Variants in IQCN observed in about 807,000 individuals in gnomAD.
The protein encoded by IQCN is IQ motif containing N, also known as IQ domain-containing protein N.
IQCN carries 46 observed loss-of-function variants against 64.4 expected under a neutral mutation model. The observed-to-expected ratio is 0.71, with a 90% CI of 0.56 to 0.91. The LOEUF (loss-of-function observed/expected upper bound fraction) is 0.91. Among genes scored for constraint, IQCN ranks in the 40% least tolerant of loss-of-function variants. IQCN has a pLI of 0.00. For synonymous variants in IQCN, 733 were observed against 775.6 expected, an observed-to-expected ratio of 0.95 and a Z score of 0.91; for missense variants, 1,753 against 1,857.4, an observed-to-expected ratio of 0.94 and a Z score of 1.03.
chr19:18,264,808 A>G lies in IQCN; in HGVS notation c.2732T>C (p.Leu911Pro), dbSNP rs1397281304. 1 of 1,555,494 alleles carries G rather than the reference A, an allele frequency of 6.4e-7. No homozygotes were observed. The highest frequency in any genetic ancestry group is 8.7e-7 in the Non-Finnish European group (1 of 1,149,258). The change falls in exon 3 of 4, where the codon CTG becomes CCG. Residue 911 changes from leucine (L) to proline (P), a missense_variant. Transcript: ENST00000392413. The surrounding 1 kb of genome is among the most constrained non-coding windows in gnomAD (Gnocchi z 4.3). ...ALSQGEVWAA[L>P]NQALSKEVLG... ...GACCTCCTTGGACAGGGCCTGGTTC[A>G]GAGCTGCCCAGACTTCTCCCTGGGA... is the stretch of plus-strand genomic sequence containing the variant.
rs555972167 is a variant in IQCN, at chr19:18,264,309, G to A, written c.3177+54C>T. Reference sequence around the variant, plus strand: ...AATCCCCCATCTCCTCCAAGGGCCCGGCAGGTTGGCCCATGGTGAAACAAC... The same window carrying A: ...AATCCCCCATCTCCTCCAAGGGCCCAGCAGGTTGGCCCATGGTGAAACAAC... On this transcript the variant is annotated intron_variant, in intron 3 of 3. Coordinates refer to ENST00000392413, the MANE Select transcript of IQCN (RefSeq NM_001145304.2). The surrounding 1 kb of genome is among the most constrained non-coding windows in gnomAD (Gnocchi z 4.3). 78 of 1,392,056 alleles carry A rather than the reference G, an allele frequency of 5.6e-5. No homozygotes were observed. Among genetic ancestry groups the A allele is most frequent in the East Asian group, 2.5e-4 (10 of 39,710 alleles). 86.2% of individuals were successfully genotyped at this position (1,392,056 alleles called of 1,614,324 possible). A position where few individuals can be genotyped will look rare whatever the true frequency, so the allele number is the denominator to read the frequency against.
At position 18,264,776 on chromosome 19, in the gene IQCN, C is replaced by T. The variant is rs745305626; in HGVS notation, c.2764G>A (p.Ala922Thr). ...TGGGGCAGGGCTTTGGTGACAGTGG[C>T]ACCCAGGACCTCCTTGGACAGGGCC... ...NQALSKEVLG[A>T]TVTKALPQSM... is the part of the protein sequence containing the mutation. The change falls in exon 3 of 4, where the codon GCC (alanine) becomes ACC (threonine). Residue 922 changes from alanine (A) to threonine (T), a missense_variant. Ala to Thr is a moderately conservative substitution (Grantham distance 58). Transcript: ENST00000392413. This position sits in a 1 kb window ranked among gnomAD's most constrained non-coding sequence, Gnocchi z 4.3. The T allele has an allele frequency of 4.5e-6, 7 of 1,551,408 alleles. No homozygotes were observed. The South Asian group carries it at 8.3e-5, about 18-fold the overall frequency.
At position 18,267,408 on chromosome 19, in the gene IQCN, C is replaced by G. The variant is rs773541149; in HGVS notation, c.132G>C (p.Leu44=). 4 of 1,592,958 alleles carry G rather than the reference C, an allele frequency of 2.5e-6. No individual in the cohort carries two copies. The highest frequency in any genetic ancestry group is 1.7e-5 in the Admixed American group (1 of 57,462). Residue 44 remains leucine, a synonymous_variant, in exon 3 of 4, where the codon CTG becomes CTC. Coordinates refer to ENST00000392413, the MANE Select transcript of IQCN (RefSeq NM_001145304.2). The part of the protein sequence containing the change: ...HPPAPAHPSL[L]DKMEKAPPQP... ...GTGGAGGCGCTTTCTCCATTTTGTC[C>G]AGGAGACTGGGGTGAGCGGGGGCTG...
Position 18,258,271 on chromosome 19 carries a change from G to A in IQCN, c.3178-165C>T, listed in dbSNP as rs375309041. The A allele has an allele frequency of 2.9e-4, 226 of 769,222 alleles. 1 individual carries two copies. The African/African-American group carries it at 3.3e-3, about 11-fold the overall frequency. The allele number at this position is 769,222 out of a possible 1,614,324, so 47.6% of individuals were successfully genotyped here. A position where few individuals can be genotyped will look rare whatever the true frequency, so the allele number is the denominator to read the frequency against. Reference sequence around the variant, plus strand: ...GACACCCTCCGAACTCCCGGGGCCAGCGGAGGAATGACCGAGGAGTGTGTC... The same window carrying A: ...GACACCCTCCGAACTCCCGGGGCCAACGGAGGAATGACCGAGGAGTGTGTC... On this transcript the variant is annotated intron_variant, in intron 3 of 3. Transcript: ENST00000392413.
chr19:18,264,778 C>G lies in IQCN; in HGVS notation c.2762G>C (p.Gly921Ala). ...GGGCAGGGCTTTGGTGACAGTGGCA[C>G]CCAGGACCTCCTTGGACAGGGCCTG... ...LNQALSKEVLGATVTKALPQS... is the reference protein window; with the variant it reads ...LNQALSKEVLAATVTKALPQS... Residue 921 changes from glycine to alanine, a missense_variant, in exon 3 of 4, where the codon GGT (glycine) becomes GCT (alanine). Coordinates refer to ENST00000392413, the MANE Select transcript of IQCN (RefSeq NM_001145304.2). The surrounding 1 kb of genome is among the most constrained non-coding windows in gnomAD (Gnocchi z 4.3). 1 of 1,551,446 alleles carries G rather than the reference C, an allele frequency of 6.4e-7. No homozygotes were observed. Among genetic ancestry groups the G allele is most frequent in the East Asian group, 2.4e-5 (1 of 40,928 alleles).
Position 18,269,547 on chromosome 19 carries a change from C to T in IQCN, c.-69G>A. 4 of 1,563,240 alleles carry T rather than the reference C, an allele frequency of 2.6e-6. No homozygotes were observed. The highest frequency in any genetic ancestry group is 3.5e-6 in the Non-Finnish European group (4 of 1,135,380). On this transcript the variant is annotated 5_prime_UTR_variant, in exon 2 of 4. An upstream open reading frame in the 5' UTR loses its in-frame stop. Transcript: ENST00000392413. ...CCAGCCTGCAAGAGGAGGCAGCCTT[C>T]AGCCTTTCATCCATGCAATATGCAG...
chr19:18,265,828 G>T lies in IQCN; in HGVS notation c.1712C>A (p.Ser571Tyr). The T allele has an allele frequency of 6.2e-7, 1 of 1,614,202 alleles. No homozygotes were observed. Among genetic ancestry groups the T allele is most frequent in the Non-Finnish European group, 8.5e-7 (1 of 1,180,034 alleles). The change falls in exon 3 of 4, where the codon TCC becomes TAC. Residue 571 changes from serine (S) to tyrosine (Y), a missense_variant. Ser to Tyr is a moderately radical substitution (Grantham distance 144). Coordinates refer to ENST00000392413, the MANE Select transcript of IQCN (RefSeq NM_001145304.2). This position sits in a 1 kb window ranked among gnomAD's most constrained non-coding sequence, Gnocchi z 4.7. ...KQAAKVVKAS[S>Y]PSYLAEGKIR... The stretch of plus-strand genomic sequence containing the variant: ...CTTCCCCTCAGCCAAATAGGAGGGG[G>T]ATGAGGCTTTCACCACCTTTGCAGC...
In IQCN at chr19:18,257,470, C is replaced by T; in HGVS notation, c.3814G>A (p.Gly1272Ser). 1 of 1,607,810 alleles carries T rather than the reference C, an allele frequency of 6.2e-7. No homozygotes were observed. Among genetic ancestry groups the T allele is most frequent in the Non-Finnish European group, 8.5e-7 (1 of 1,177,478 alleles). Residue 1272 changes from glycine (G) to serine (S), a missense_variant, in exon 4 of 4, where the codon GGC becomes AGC. Physicochemically the swap from Gly to Ser is moderately conservative, Grantham distance 56 (BLOSUM62 0). Coordinates refer to ENST00000392413, the MANE Select transcript of IQCN (RefSeq NM_001145304.2). ...TQPTRVVQGM[G>S]QGTEGPGAVS... is the part of the protein sequence containing the mutation. ...GCCCCGGGGCCCTCAGTGCCCTGGC[C>T]CATGCCCTGCACCACACGGGTGGGC...
chr19:18,266,514 T>G lies in IQCN; in HGVS notation c.1026A>C (p.Thr342=), dbSNP rs774326592. 1.3e-5 allele frequency: 21 copies of G among 1,607,790 alleles called. No individual in the cohort carries two copies. Among genetic ancestry groups the G allele is most frequent in the Non-Finnish European group, 1.6e-5 (19 of 1,176,302 alleles). ...GPMITKTLLQ[T]YPVVSVTLPQ... is the part of the protein sequence containing the mutation. ...GCAGGGTCACGGAGACCACTGGATA[T>G]GTCTGGAGTAGAGTCTTGGTGATCA... Residue 342 remains threonine, a synonymous_variant, in exon 3 of 4, where the codon ACA becomes ACC. Coordinates refer to ENST00000392413, the MANE Select transcript of IQCN (RefSeq NM_001145304.2). This position sits in a 1 kb window ranked among gnomAD's most constrained non-coding sequence, Gnocchi z 4.3.
chr19:18,268,507 G>A (rs932568692), intron 2 of IQCN, among the ~76,000 whole-genome samples: 1 of 152,008 alleles, frequency 6.6e-6, no homozygotes, highest in Admixed American at 6.6e-5. Flanking sequence ...TGGATGAATA[G>A]GTAAATAAAG....
intron 2 of IQCN, among the ~76,000 whole-genome samples, chr19:18,268,732 G>A (rs1969663846): frequency 1.3e-5 from 2 of 151,950 alleles, no homozygotes; most frequent in Non-Finnish European, 2.9e-5. Flanking sequence ...GGGAGGCCGA[G>A]GTGAGCGGAT....
Position 18,264,258 on chromosome 19 carries a change from G to A in IQCN, c.3177+105C>T. On this transcript the variant is annotated intron_variant, in intron 3 of 3. Coordinates refer to ENST00000392413, the MANE Select transcript of IQCN (RefSeq NM_001145304.2). This position sits in a 1 kb window ranked among gnomAD's most constrained non-coding sequence, Gnocchi z 4.3. The stretch of plus-strand genomic sequence containing the variant: ...TCCCACAGTGACCACAGATAAGCAG[G>A]GTGACCCCCACAAGATGGCCCCATC... 15 of 992,970 alleles carry A rather than the reference G, an allele frequency of 1.5e-5. No individual in the cohort carries two copies. The highest frequency in any genetic ancestry group is 2.1e-5 in the Non-Finnish European group (15 of 698,012). The allele number at this position is 992,970 out of a possible 1,614,324, so 61.5% of individuals were successfully genotyped here. A position where few individuals can be genotyped will look rare whatever the true frequency, so the allele number is the denominator to read the frequency against.
rs150507863 is a variant in IQCN, at chr19:18,265,798, C to T, written c.1742G>A (p.Arg581Lys). Residue 581 changes from arginine (R) to lysine (K), a missense_variant, in exon 3 of 4, where the codon AGG (arginine) becomes AAG (lysine). Arg to Lys is a conservative substitution (Grantham distance 26). Transcript: ENST00000392413. The surrounding 1 kb of genome is among the most constrained non-coding windows in gnomAD (Gnocchi z 4.7). ...SPSYLAEGKIRCLAQPHPGTG... is the reference protein window; with the variant it reads ...SPSYLAEGKIKCLAQPHPGTG... ...TCCCGGATGTGGTTGAGCCAGGCACCTGATCTTCCCCTCAGCCAAATAGGA... is the reference window on the plus strand; with the variant it reads ...TCCCGGATGTGGTTGAGCCAGGCACTTGATCTTCCCCTCAGCCAAATAGGA... 9 of 1,614,190 alleles carry T rather than the reference C, an allele frequency of 5.6e-6. No homozygotes were observed. Among genetic ancestry groups the T allele is most frequent in the African/African-American group, 1.3e-5 (1 of 75,058 alleles).
intron 3 of IQCN, chr19:18,258,893 G>A (rs972444055): frequency 1.7e-5 from 3 of 173,586 alleles, no homozygotes; most frequent in Admixed American, 1.1e-4. Flanking sequence ...CCTCCCTTGG[G>A]GAAGAGACCC....
chr19:18,257,229 G>A lies in IQCN; in HGVS notation c.4055C>T (p.Pro1352Leu), dbSNP rs1481699374. The stretch of plus-strand genomic sequence containing the variant: ...CCGTGAGCTGGCCGAGGGGTCTGCT[G>A]GTCCCAAGAGCGCCTCTGTGTTCTT... Reference protein sequence around the residue: ...CLKNTEALLGPADPSASSRHM... With the variant: ...CLKNTEALLGLADPSASSRHM... The change falls in exon 4 of 4, where the codon CCA becomes CTA. Residue 1352 changes from proline (P) to leucine (L), a missense_variant. By Grantham distance (98) the Pro-to-Leu change is moderately conservative. Coordinates refer to ENST00000392413, the MANE Select transcript of IQCN (RefSeq NM_001145304.2). 10 of 1,613,558 alleles carry A rather than the reference G, an allele frequency of 6.2e-6. No homozygotes were observed. The highest frequency in any genetic ancestry group is 5.3e-5 in the African/African-American group (4 of 74,948).
In IQCN at chr19:18,265,631, C is replaced by CT. The variant is rs1568279413; in HGVS notation, c.1908dup (p.Val637SerfsTer3). 5 of 1,613,978 alleles carry CT rather than the reference C, an allele frequency of 3.1e-6. No individual in the cohort carries two copies. The highest frequency in any genetic ancestry group is 4.2e-6 in the Non-Finnish European group (5 of 1,180,026). ...GGTGGCTTGTCCCCTTCCTCAGCAA[C>CT]TTTTGTCCAGGATGGAGCCCCAGCC... On this transcript the variant is annotated frameshift_variant, in exon 3 of 4. Coordinates refer to ENST00000392413, the MANE Select transcript of IQCN (RefSeq NM_001145304.2). LOFTEE classifies it high-confidence loss of function. This position sits in a 1 kb window ranked among gnomAD's most constrained non-coding sequence, Gnocchi z 4.7.
intron 1 of IQCN, among the ~76,000 whole-genome samples, chr19:18,272,280 AC>A (rs1345260909): frequency 6.6e-6 from 1 of 151,524 alleles, no homozygotes; most frequent in Non-Finnish European, 1.5e-5. Flanking sequence ...GGCACCTGCC[AC>A]CACGCCTAGC....
chr19:18,263,576 C>A (rs1286621606), intron 3 of IQCN, among the ~76,000 whole-genome samples: 1 of 152,156 alleles, frequency 6.6e-6, no homozygotes, highest in African/African-American at 2.4e-5. Flanking sequence ...TGGTGACCTG[C>A]AAGGGACTTG....
Position 18,264,396 on chromosome 19 carries a change from G to A in IQCN, c.3144C>T (p.Pro1048=), listed in dbSNP as rs1477456357. 1.3e-6 allele frequency: 2 copies of A among 1,522,396 alleles called. No homozygotes were observed. Among genetic ancestry groups the A allele is most frequent in the Admixed American group, 2.1e-5 (1 of 48,632 alleles). 94.3% of individuals were successfully genotyped at this position (1,522,396 alleles called of 1,614,324 possible). A position where few individuals can be genotyped will look rare whatever the true frequency, so the allele number is the denominator to read the frequency against. The part of the protein sequence containing the change: ...CRRSPSAAWG[P]SLGPVRPQTS... ...TCTGTGGTCTCACGGGGCCCAGGGA[G>A]GGCCCCCATGCGGCCGATGGACTCC... The change falls in exon 3 of 4, where the codon CCC becomes CCT. Residue 1048 remains proline (P), a synonymous_variant. Transcript: ENST00000392413. The surrounding 1 kb of genome is among the most constrained non-coding windows in gnomAD (Gnocchi z 4.3).
Sources: allele counts gnomAD v4.1 joint callset (sites outside exome capture counted in the v4.1 genomes callset), GRCh38; gene constraint gnomAD v4.1.1; non-coding constraint Gnocchi (gnomAD v3.1); transcripts MANE v1.5; gene names NCBI Gene and HGNC (gene_info 2026-07-23, HGNC 2026-07-21).